SFXN5: variants seen among roughly 807,000 people sequenced by gnomAD.
SFXN5 encodes sideroflexin-5.
In SFXN5, 43 loss-of-function variants were observed where a neutral mutation model predicts 50.2. The ratio of observed to expected loss-of-function variants is 0.86; its 90% CI spans 0.67 to 1.11. The LOEUF is 1.11. SFXN5 is among the 50% of genes least tolerant of loss of function. The probability of loss-of-function intolerance (pLI) is 0.00; values close to 1 mark genes in which losing one functional copy is unlikely to be tolerated. For synonymous variants in SFXN5, 203 were observed against 185.8 expected, an observed-to-expected ratio of 1.09 and a Z score of -0.75; for missense variants, 463 against 454.1, an observed-to-expected ratio of 1.02 and a Z score of -0.18.
intron 1 of SFXN5, among the ~76,000 whole-genome samples, chr2:73,067,108 A>G (rs1683235446): frequency 6.6e-6 from 1 of 152,190 alleles, no homozygotes; most frequent in Non-Finnish European, 1.5e-5. Context: ...GTTATGTTAA[A>G]CAAATCAAAA....
intron 12 of SFXN5, among the ~76,000 whole-genome samples, chr2:72,962,023 G>C (rs1673804032): frequency 6.6e-6 from 1 of 152,200 alleles, no homozygotes; most frequent in Non-Finnish European, 1.5e-5. Flanking sequence ...ACCTCCCTTT[G>C]GGGCCCAGGC....
chr2:73,059,595 A>T, intron 1 of SFXN5: 1 of 984,632 alleles, frequency 1.0e-6, no homozygotes, highest in Non-Finnish European at 1.2e-6. Context: ...ACCAGTTCTC[A>T]TCCCACCTCC....
At chr2:73,068,165 G>A (rs1683307521) in intron 1 of SFXN5, among the ~76,000 whole-genome samples, 1 of 152,186 alleles carries the variant, frequency 6.6e-6, no homozygotes, top group African/African-American at 2.4e-5. Context: ...CAGGGAATAA[G>A]GAAAGACCTT....
intron 1 of SFXN5, among the ~76,000 whole-genome samples, chr2:73,065,827 T>C (rs984664733): frequency 1.3e-5 from 2 of 152,220 alleles, no homozygotes; most frequent in Admixed American, 6.5e-5. Context: ...AGTGCTGGGA[T>C]TACAAGCATG....
chr2:73,032,274 C>T (rs1320500210), intron 3 of SFXN5, among the ~76,000 whole-genome samples: 4 of 152,216 alleles, frequency 2.6e-5, no homozygotes, highest in Non-Finnish European at 5.9e-5. Flanking sequence ...CTGCTTAAGA[C>T]CTCATCTTGT....
intron 10 of SFXN5, among the ~76,000 whole-genome samples, chr2:72,976,198 G>C (rs917500283): frequency 6.6e-6 from 1 of 152,146 alleles, no homozygotes; most frequent in East Asian, 1.9e-4. Context: ...TTGAGAATTA[G>C]GGGTTGTTGA....
intron 1 of SFXN5, chr2:73,059,070 C>A: frequency 1.0e-6 from 1 of 994,408 alleles, no homozygotes; most frequent in Non-Finnish European, 1.2e-6. Context: ...AAGGGCAGCT[C>A]AAGCCTAAAA....
At chr2:72,956,045 C>A (rs765694273) in intron 13 of SFXN5, among the ~76,000 whole-genome samples, 3 of 152,216 alleles carry the variant, frequency 2.0e-5, no homozygotes, top group Admixed American at 1.3e-4. Context: ...AGGGGTCCTA[C>A]GTGGCCATCC....
intron 4 of SFXN5, 52 bp from the exon 5 acceptor site, chr2:73,022,628 G>A (rs760613628): frequency 4.3e-6 from 2 of 462,910 alleles, no homozygotes; most frequent in East Asian, 6.4e-5. Flanking sequence ...GTAGGGAGGG[G>A]GAAGGGGGAA....
At chr2:72,956,319 C>T (rs1673081288) in intron 13 of SFXN5, among the ~76,000 whole-genome samples, 2 of 152,262 alleles carry the variant, frequency 1.3e-5, no homozygotes, top group Admixed American at 6.5e-5. Flanking sequence ...TAGCCTCCCT[C>T]CAGCCCCTCC....
At chr2:72,969,371 C>CT (rs969333673) in intron 11 of SFXN5, among the ~76,000 whole-genome samples, 4 of 151,950 alleles carry the variant, frequency 2.6e-5, no homozygotes, top group Non-Finnish European at 4.4e-5. Context: ...CTGGAATTTA[C>CT]TTTTTTTTGT....
At chr2:73,067,106 A>C (rs906398748) in intron 1 of SFXN5, among the ~76,000 whole-genome samples, 1 of 152,188 alleles carries the variant, frequency 6.6e-6, no homozygotes, top group African/African-American at 2.4e-5. Context: ...TGGTTATGTT[A>C]AACAAATCAA....
chr2:73,012,185 T>C (rs1320867249), intron 6 of SFXN5, among the ~76,000 whole-genome samples: 1 of 152,206 alleles, frequency 6.6e-6, no homozygotes, highest in East Asian at 1.9e-4. Context: ...AGAAAAAGCC[T>C]AGAGGCACAC....
chr2:72,964,834 G>A (rs78723438), intron 12 of SFXN5, among the ~76,000 whole-genome samples: 4,051 of 152,298 alleles, frequency 0.027, 184 homozygotes, highest in African/African-American at 0.09. Context: ...TGGAGCCTGA[G>A]ATGTGAGAGT....
intron 5 of SFXN5, among the ~76,000 whole-genome samples, chr2:73,020,600 G>A (rs1394815137): frequency 6.6e-6 from 1 of 152,172 alleles, no homozygotes; most frequent in Admixed American, 6.5e-5. Flanking sequence ...TGCGAGGCAC[G>A]ACACACCCTG....
intron 1 of SFXN5, 69 bp from the exon 2 acceptor site, chr2:73,058,665 A>G (rs1682452127): frequency 1.6e-5 from 23 of 1,476,172 alleles, no homozygotes; most frequent in Non-Finnish European, 2.2e-5. Context: ...GACACTGGAG[A>G]GCCCCACCCT....
chr2:73,040,748 T>A, intron 3 of SFXN5, 106 bp downstream of exon 3: 1 of 827,360 alleles, frequency 1.2e-6, no homozygotes, highest in Non-Finnish European at 1.9e-6. Flanking sequence ...CCAGCAGAAG[T>A]ATATGCTGGA....
At chr2:72,968,917 C>T (rs1159384932) in intron 11 of SFXN5, among the ~76,000 whole-genome samples, 1 of 151,998 alleles carries the variant, frequency 6.6e-6, no homozygotes, top group Non-Finnish European at 1.5e-5. Flanking sequence ...ATTCTCCTGT[C>T]TCAGCCTCCC....
At chr2:72,969,751 G>A (rs1401614949) in intron 11 of SFXN5, among the ~76,000 whole-genome samples, 6 of 148,398 alleles carry the variant, frequency 4.0e-5, no homozygotes, top group Non-Finnish European at 7.4e-5. Context: ...AAGATCTTGT[G>A]TCTCTTGGCT....
Sources: allele counts gnomAD v4.1 joint callset (sites outside exome capture counted in the v4.1 genomes callset), GRCh38; gene constraint gnomAD v4.1.1; transcripts MANE v1.5; gene names NCBI Gene and HGNC (gene_info 2026-07-23, HGNC 2026-07-21).